The following METTL15 variants were observed in gnomAD, a reference collection of about 807,000 sequenced individuals.
The protein encoded by METTL15 is 12S rRNA N(4)-cytidine methyltransferase METTL15.
METTL15 carries 34 observed loss-of-function variants against 38.3 expected under a neutral mutation model. The observed-to-expected ratio is 0.89, with a 90% CI of 0.68 to 1.18. METTL15 has a LOEUF of 1.18. METTL15 is among the 50% of genes most tolerant of loss of function. The probability of loss-of-function intolerance (pLI) is 0.00; values close to 1 mark genes in which losing one functional copy is unlikely to be tolerated. For missense variants in METTL15, 438 were observed against 498.4 expected (o/e 0.88, Z 1.15); for synonymous variants, 162 against 170.9 (o/e 0.95, Z 0.41).
chr11:28,449,175 T>G (rs1851098787), intron 6 of METTL15, among the ~76,000 whole-genome samples: 1 of 152,184 alleles, frequency 6.6e-6, no homozygotes, highest in Non-Finnish European at 1.5e-5. Flanking sequence ...ATCCTGAAAG[T>G]GGCAGTGCTA....
chr11:28,451,712 G>A (rs1851122356), intron 6 of METTL15, among the ~76,000 whole-genome samples: 1 of 152,214 alleles, frequency 6.6e-6, no homozygotes, highest in African/African-American at 2.4e-5. Flanking sequence ...CTTCGTTGGT[G>A]TTTCTGATGG....
chr11:28,329,438 C>T (rs1159559073), intron 6 of METTL15, among the ~76,000 whole-genome samples: 1 of 151,942 alleles, frequency 6.6e-6, no homozygotes, highest in Non-Finnish European at 1.5e-5. Flanking sequence ...GTTCTAGGTG[C>T]CTTGCAATTC....
At chr11:28,177,964 T>C (rs1445283547) in intron 3 of METTL15, among the ~76,000 whole-genome samples, 3 of 151,978 alleles carry the variant, frequency 2.0e-5, no homozygotes, top group Non-Finnish European at 2.9e-5. Flanking sequence ...GTTACTCTTA[T>C]TATATTATTA....
At chr11:28,380,321 T>G (rs1012126649) in intron 5 of METTL15, among the ~76,000 whole-genome samples, 1 of 151,746 alleles carries the variant, frequency 6.6e-6, no homozygotes, top group Non-Finnish European at 1.5e-5. Flanking sequence ...GCACCTGCCA[T>G]CACGCCCGGC....
intron 3 of METTL15, 65 bp downstream of exon 3, chr11:28,113,669 A>G: frequency 1.3e-6 from 2 of 1,542,604 alleles, no homozygotes; most frequent in Non-Finnish European, 1.8e-6. Context: ...TGTAATATTC[A>G]TTATTTTAAG....
chr11:28,310,464 A>G (rs1365730751), intron 6 of METTL15, among the ~76,000 whole-genome samples: 1 of 151,984 alleles, frequency 6.6e-6, no homozygotes, highest in Non-Finnish European at 1.5e-5. Flanking sequence ...GCCTAGTAAT[A>G]TTTCCTGCAG....
At chr11:28,186,300 A>T (rs1242535587) in intron 3 of METTL15, among the ~76,000 whole-genome samples, 3 of 151,358 alleles carry the variant, frequency 2.0e-5, no homozygotes, top group Non-Finnish European at 4.4e-5. Flanking sequence ...AACAGCAAGT[A>T]TAGCCAACCT....
intron 6 of METTL15, chr11:28,328,288 T>C: frequency 2.3e-6 from 2 of 859,964 alleles, no homozygotes; most frequent in Non-Finnish European, 3.5e-6. Flanking sequence ...GTAATTTTTA[T>C]AGAGGAAAGA....
At chr11:28,127,078 A>C (rs1170635936) in intron 3 of METTL15, among the ~76,000 whole-genome samples, 5 of 152,112 alleles carry the variant, frequency 3.3e-5, no homozygotes, top group Non-Finnish European at 7.4e-5. Flanking sequence ...CTGAAAATGC[A>C]AAGAGGGAGA....
intron 4 of METTL15, among the ~76,000 whole-genome samples, chr11:28,220,889 C>G (rs1404979071): frequency 2.0e-5 from 3 of 152,090 alleles, no homozygotes; most frequent in Non-Finnish European, 4.4e-5. Context: ...GAATATTGGC[C>G]CCCACTCTCT....
At chr11:28,452,331 C>T (rs1261929432) in intron 6 of METTL15, among the ~76,000 whole-genome samples, 2 of 152,194 alleles carry the variant, frequency 1.3e-5, no homozygotes, top group African/African-American at 4.8e-5. Flanking sequence ...TGTTTTTCTT[C>T]CAGCTGATGT....
At chr11:28,129,890 G>C (rs779326943) in intron 3 of METTL15, among the ~76,000 whole-genome samples, 1 of 151,990 alleles carries the variant, frequency 6.6e-6, no homozygotes, top group African/African-American at 2.4e-5. Context: ...ATAATTAAAG[G>C]CTTATTTTGT....
At chr11:28,218,947 T>C (rs749573457) in intron 4 of METTL15, among the ~76,000 whole-genome samples, 26 of 152,308 alleles carry the variant, frequency 1.7e-4, no homozygotes, top group Non-Finnish European at 3.8e-4. Flanking sequence ...GATGTGTTGC[T>C]GGATTCGGTT....
At chr11:28,292,745 G>T (rs1455585768) in intron 5 of METTL15, among the ~76,000 whole-genome samples, 3 of 152,104 alleles carry the variant, frequency 2.0e-5, no homozygotes, top group African/African-American at 7.2e-5. Context: ...TTTAATGATT[G>T]CCATTCTAAC....
At chr11:28,316,850 C>T (rs1404720087) in intron 6 of METTL15, among the ~76,000 whole-genome samples, 1 of 152,148 alleles carries the variant, frequency 6.6e-6, no homozygotes, top group Non-Finnish European at 1.5e-5. Context: ...TAAGACGTGA[C>T]TTACTCCTTC....
intron 4 of METTL15, among the ~76,000 whole-genome samples, chr11:28,227,274 A>G (rs1229248719): frequency 2.0e-5 from 3 of 151,894 alleles, no homozygotes; most frequent in South Asian, 2.1e-4. Context: ...AGAGTTTACA[A>G]TGTAAGCAGA....
intron 4 of METTL15, among the ~76,000 whole-genome samples, chr11:28,281,856 T>G (rs573759888): frequency 2.0e-5 from 3 of 152,244 alleles, no homozygotes; most frequent in African/African-American, 7.2e-5. Context: ...TATTAGTGAG[T>G]GGTAAAGGTT....
chr11:28,530,176 C>A (rs906650432), downstream of METTL15, among the ~76,000 whole-genome samples: 1 of 152,124 alleles, frequency 6.6e-6, no homozygotes, highest in African/African-American at 2.4e-5. Flanking sequence ...CTCTAAAGAT[C>A]TATGCCTGTT....
chr11:28,371,588 A>G (rs1049516073), intron 5 of METTL15, among the ~76,000 whole-genome samples: 2 of 151,954 alleles, frequency 1.3e-5, no homozygotes, highest in African/African-American at 4.8e-5. Context: ...TTTGAAAGAT[A>G]TTGCATTGAA....
Sources: allele counts gnomAD v4.1 joint callset (sites outside exome capture counted in the v4.1 genomes callset), GRCh38; gene constraint gnomAD v4.1.1; transcripts MANE v1.5; gene names NCBI Gene and HGNC (gene_info 2026-07-23, HGNC 2026-07-21).